Variants in CAMKMT observed in about 807,000 individuals in gnomAD.
CAMKMT encodes the protein CaM KMT.
Under a neutral mutation model 48.0 loss-of-function variants are expected in CAMKMT, and 53 were observed. The ratio of observed to expected loss-of-function variants is 1.10; its 90% CI spans 0.89 to 1.39. The LOEUF (loss-of-function observed/expected upper bound fraction) is 1.39. Ranked by LOEUF, CAMKMT falls within the 40% of genes most tolerant of loss-of-function variation. The pLI is 0.00. For synonymous variants in CAMKMT, 165 were observed against 152.3 expected (o/e 1.08, Z -0.61); for missense variants, 428 against 402.7 (o/e 1.06, Z -0.54).
rs4039616 is a variant in CAMKMT at position 44,634,800 on chromosome 2, C to CAAAAAAAAAAAAA, written c.377-69471_377-69470insAAAAAAAAAAAAA. 1.7e-3 allele frequency among the ~76,000 whole-genome samples: 186 copies of CAAAAAAAAAAAAA among 109,854 alleles called. 9 individuals are homozygous for CAAAAAAAAAAAAA. The highest frequency in any genetic ancestry group is 6.1e-3 in the African/African-American group (168 of 27,520). 72.1% of individuals were successfully genotyped at this position (109,854 alleles called of 152,430 possible). On this transcript the variant is annotated intron_variant, in intron 3 of 10. Transcript: ENST00000378494. ...GGTATTCTCCAGGTTGAGGGCTAGC[C>CAAAAAAAAAAAAA]AAAAAAAAAAAAGCATTCTAGTCAG... is the stretch of plus-strand genomic sequence containing the variant.
At chr2:44,518,822 G>A (rs1164589897) in intron 3 of CAMKMT, among the ~76,000 whole-genome samples, 1 of 152,224 alleles carries the variant, frequency 6.6e-6, no homozygotes, top group Non-Finnish European at 1.5e-5. Context: ...CATGACACAT[G>A]TGAGTGGGAA....
intron 3 of CAMKMT, among the ~76,000 whole-genome samples, chr2:44,427,376 G>A (rs1398416504): frequency 6.6e-6 from 1 of 152,114 alleles, no homozygotes; most frequent in Non-Finnish European, 1.5e-5. Flanking sequence ...ACAACATACA[G>A]AATGGGAGAA....
chr2:44,384,500 C>CTTTTTTTTTTTTT (rs141017634), intron 2 of CAMKMT, among the ~76,000 whole-genome samples: 202 of 95,450 alleles, frequency 2.1e-3, no homozygotes, highest in Non-Finnish European at 3.3e-3. Flanking sequence ...AGCTATTTAT[C>CTTTTTTTTTTTTT]TTTTTTTTTT....
intron 3 of CAMKMT, among the ~76,000 whole-genome samples, chr2:44,610,658 T>G (rs1671546125): frequency 6.6e-6 from 1 of 152,240 alleles, no homozygotes; most frequent in African/African-American, 2.4e-5. Flanking sequence ...GTATCAGCAG[T>G]AAGCCCCAAT....
intron 3 of CAMKMT, among the ~76,000 whole-genome samples, chr2:44,621,513 C>G (rs1453754386): frequency 6.6e-6 from 1 of 152,016 alleles, no homozygotes; most frequent in Non-Finnish European, 1.5e-5. Context: ...ATAGACCAGT[C>G]AAGGGGAAAG....
intron 3 of CAMKMT, among the ~76,000 whole-genome samples, chr2:44,639,318 C>G (rs1238666343): frequency 1.3e-5 from 2 of 152,182 alleles, no homozygotes; most frequent in Admixed American, 1.3e-4. Context: ...GTTGCACAAA[C>G]AGCAAATGCC....
chr2:44,367,002 C>T (rs1050633277), intron 1 of CAMKMT, among the ~76,000 whole-genome samples: 4 of 152,088 alleles, frequency 2.6e-5, no homozygotes, highest in African/African-American at 4.8e-5. Context: ...TGGGATTACA[C>T]GTGTGAGCCA....
chr2:44,674,971 C>G (rs1675586947), intron 3 of CAMKMT, among the ~76,000 whole-genome samples: 1 of 152,056 alleles, frequency 6.6e-6, no homozygotes, highest in African/African-American at 2.4e-5. Context: ...TAAGCTAAAT[C>G]CTCTCCCTGT....
intron 3 of CAMKMT, among the ~76,000 whole-genome samples, chr2:44,439,517 A>T (rs1162498769): frequency 6.6e-6 from 1 of 151,914 alleles, no homozygotes; most frequent in African/African-American, 2.4e-5. Context: ...TTCCCCTCAC[A>T]TTCTTTCTGC....
chr2:44,662,718 C>G (rs968000558), intron 3 of CAMKMT, among the ~76,000 whole-genome samples: 7 of 152,088 alleles, frequency 4.6e-5, no homozygotes, highest in Non-Finnish European at 1.0e-4. Flanking sequence ...TATGCATCAC[C>G]ATGCCAGGTT....
At chr2:44,527,920 T>C (rs1385531129) in intron 3 of CAMKMT, among the ~76,000 whole-genome samples, 3 of 152,130 alleles carry the variant, frequency 2.0e-5, no homozygotes. Context: ...TTCTGAGTTT[T>C]GACAAATGTA....
chr2:44,562,919 C>A (rs1030108219), intron 3 of CAMKMT, among the ~76,000 whole-genome samples: 4 of 152,154 alleles, frequency 2.6e-5, no homozygotes, highest in African/African-American at 9.7e-5. Flanking sequence ...GAGGACCTTA[C>A]TCTCTCAGTA....
intron 3 of CAMKMT, among the ~76,000 whole-genome samples, 169 bp from the exon 4 acceptor site, chr2:44,704,114 A>G (rs763647040): frequency 1.8e-4 from 27 of 152,162 alleles, no homozygotes; most frequent in Non-Finnish European, 2.6e-4. Flanking sequence ...AAATCTCACC[A>G]CTATAAAAAT....
At chr2:44,390,342 T>C in intron 3 of CAMKMT, 37 bp downstream of exon 3, 1 of 1,444,512 alleles carries the variant, frequency 6.9e-7, no homozygotes, top group Non-Finnish European at 9.5e-7. Flanking sequence ...ATATATTTAG[T>C]GTTTTACAAA....
chr2:44,506,621 C>G (rs1670274464), intron 3 of CAMKMT, among the ~76,000 whole-genome samples: 1 of 152,086 alleles, frequency 6.6e-6, no homozygotes, highest in African/African-American at 2.4e-5. Flanking sequence ...TAGGGGGACT[C>G]TATGAATACA....
intron 3 of CAMKMT, among the ~76,000 whole-genome samples, chr2:44,512,034 G>A (rs933289097): frequency 2.6e-5 from 4 of 152,172 alleles, no homozygotes; most frequent in African/African-American, 9.7e-5. Context: ...CTTGTGGGTG[G>A]AGGAAGGAGT....
intron 3 of CAMKMT, among the ~76,000 whole-genome samples, chr2:44,684,809 T>C (rs1458923595): frequency 6.6e-6 from 1 of 152,084 alleles, no homozygotes; most frequent in Non-Finnish European, 1.5e-5. Flanking sequence ...TCCTGCCAGG[T>C]CTACAGATTG....
intron 2 of CAMKMT, among the ~76,000 whole-genome samples, chr2:44,386,772 C>T (rs1226752165): frequency 1.3e-5 from 2 of 152,000 alleles, no homozygotes; most frequent in Non-Finnish European, 2.9e-5. Context: ...TCGTTTTTGG[C>T]CCAGTGCTTA....
intron 3 of CAMKMT, among the ~76,000 whole-genome samples, chr2:44,682,002 G>C (rs1027460190): frequency 6.6e-6 from 1 of 152,200 alleles, no homozygotes; most frequent in Non-Finnish European, 1.5e-5. Flanking sequence ...GTCTCGATAA[G>C]TCTGCCCTTT....
Sources: gnomAD v4.1 joint callset for allele counts (sites outside exome capture counted in the v4.1 genomes callset) on GRCh38, gnomAD v4.1.1 for gene constraint, MANE v1.5 for transcripts, NCBI Gene and HGNC (gene_info 2026-07-23, HGNC 2026-07-21) for gene names.